The following TMT1A variants were observed in gnomAD, a reference collection of about 807,000 sequenced individuals.
TMT1A encodes the protein thiol methyltransferase 1A.
At chr12:50,927,209 T>C in the TMT1A span, among the ~76,000 whole-genome samples, 1 of 152,140 alleles carries the variant, frequency 6.6e-6, no homozygotes, top group South Asian at 2.1e-4. Context: ...TGTATTTTTG[T>C]AGAGATGAGG....
the TMT1A span, chr12:50,930,218 T>C: frequency 7.6e-7 from 1 of 1,312,194 alleles, no homozygotes; most frequent in Non-Finnish European, 1.0e-6. Context: ...TTTAAAATGC[T>C]AAGTGGGAGA....
the TMT1A span, among the ~76,000 whole-genome samples, chr12:50,929,505 C>T: frequency 2.0e-5 from 3 of 152,312 alleles, no homozygotes; most frequent in South Asian, 6.2e-4. Context: ...TGTCCCCACA[C>T]ATAACATGTA....
chr12:50,932,132 G>A, the TMT1A span: 1 of 152,148 alleles, frequency 6.6e-6, no homozygotes, highest in African/African-American at 2.4e-5. Flanking sequence ...ATACTTTGCT[G>A]AATATTGTAG....
At chr12:50,925,420 G>T in the TMT1A span, 10 of 1,614,218 alleles carry the variant, frequency 6.2e-6, no homozygotes, top group African/African-American at 2.7e-5. Flanking sequence ...AGCTGCCGGG[G>T]AGAACATGCA....
chr12:50,930,281 T>TTC, the TMT1A span: 18 of 707,722 alleles, frequency 2.5e-5, no homozygotes, highest in African/African-American at 3.6e-4. Context: ...TTGGTTTTTT[T>TTC]TTTTTTTTTG....
chr12:50,925,065 A>G, the TMT1A span: 1 of 1,613,894 alleles, frequency 6.2e-7, no homozygotes. Flanking sequence ...TTATCCTGAG[A>G]CTGGCCATTT....
At chr12:50,928,376 G>A in the TMT1A span, among the ~76,000 whole-genome samples, 14 of 152,140 alleles carry the variant, frequency 9.2e-5, no homozygotes, top group Non-Finnish European at 1.8e-4. Context: ...TTTATCAAGC[G>A]AAACAGAAAG....
the TMT1A span, chr12:50,931,810 C>G: frequency 6.6e-6 from 1 of 151,412 alleles, no homozygotes. Flanking sequence ...AGTGATTCTC[C>G]CACCTTGACC....
chr12:50,925,102 C>A, the TMT1A span: 1 of 1,614,170 alleles, frequency 6.2e-7, no homozygotes, highest in Non-Finnish European at 8.5e-7. Flanking sequence ...CTTGTACCTG[C>A]TGAACTTTCT....
chr12:50,925,498 G>A, the TMT1A span: 1 of 1,614,006 alleles, frequency 6.2e-7, no homozygotes, highest in Non-Finnish European at 8.5e-7. Flanking sequence ...GAAGAACCAG[G>A]AGCGGATTCT....
At chr12:50,929,888 T>G in the TMT1A span, 1 of 1,508,564 alleles carries the variant, frequency 6.6e-7, no homozygotes, top group Non-Finnish European at 9.0e-7. Context: ...ATCCTTGAAA[T>G]GTTTTTTTTT....
chr12:50,928,367 T>G, the TMT1A span, among the ~76,000 whole-genome samples: 1 of 152,150 alleles, frequency 6.6e-6, no homozygotes, highest in Non-Finnish European at 1.5e-5. Context: ...GGAGTAGAAT[T>G]TATCAAGCGA....
the TMT1A span, chr12:50,930,277 T>TTTTG: frequency 1.7e-6 from 1 of 587,660 alleles, no homozygotes; most frequent in South Asian, 3.1e-5. Flanking sequence ...GTTGTTGGTT[T>TTTTG]TTTTTTTTTT....
the TMT1A span, among the ~76,000 whole-genome samples, chr12:50,926,544 G>A: frequency 1.9e-4 from 29 of 152,334 alleles, no homozygotes; most frequent in Admixed American, 1.7e-3. Flanking sequence ...CTATCAATAG[G>A]ATGCTATGTA....
chr12:50,930,273 GGT>G, the TMT1A span: 3 of 688,392 alleles, frequency 4.4e-6, no homozygotes, highest in Admixed American at 7.1e-5. Context: ...GTTTGTTGTT[GGT>G]TTTTTTTTTT....
the TMT1A span, chr12:50,932,495 G>C: frequency 1.4e-4 from 22 of 152,306 alleles, no homozygotes; most frequent in Admixed American, 1.2e-3. Flanking sequence ...TCACATTTGT[G>C]TTAGGAACAG....
At chr12:50,928,528 C>A in the TMT1A span, among the ~76,000 whole-genome samples, 1 of 152,318 alleles carries the variant, frequency 6.6e-6, no homozygotes, top group South Asian at 2.1e-4. Context: ...GCATGTGGGG[C>A]CTTAGTGGGC....
chr12:50,928,389 C>T, the TMT1A span, among the ~76,000 whole-genome samples: 1 of 152,150 alleles, frequency 6.6e-6, no homozygotes, highest in Non-Finnish European at 1.5e-5. Context: ...ACAGAAAGCT[C>T]TCAGCAAAAA....
At chr12:50,926,031 A>AG in the TMT1A span, among the ~76,000 whole-genome samples, 1 of 148,638 alleles carries the variant, frequency 6.7e-6, no homozygotes, top group Non-Finnish European at 1.5e-5. Context: ...AAAAAAAAAA[A>AG]AAAAAAAAGA....
Sources: allele counts gnomAD v4.1 joint callset (sites outside exome capture counted in the v4.1 genomes callset), GRCh38; gene constraint gnomAD v4.1.1; transcripts MANE v1.5; gene names NCBI Gene and HGNC (gene_info 2026-07-23, HGNC 2026-07-21).